Variants in CACUL1 observed in about 807,000 individuals in gnomAD.
CACUL1 encodes CDK2 associated cullin domain 1.
Under a neutral mutation model 45.2 loss-of-function variants are expected in CACUL1, and 13 were observed. The observed-to-expected ratio is 0.29, with a 90% CI of 0.19 to 0.46. The LOEUF is 0.46. Ranked by LOEUF, CACUL1 falls within the 20% of genes least tolerant of loss-of-function variation. The probability of loss-of-function intolerance (pLI) is 1.00; values close to 1 mark genes in which losing one functional copy is unlikely to be tolerated. For missense variants in CACUL1, 421 were observed against 471.4 expected, an observed-to-expected ratio of 0.89 and a Z score of 0.99; for synonymous variants, 197 against 174.2, an observed-to-expected ratio of 1.13 and a Z score of -1.03.
intron 3 of CACUL1, among the ~76,000 whole-genome samples, chr10:118,720,366 C>T (rs1433216160): frequency 6.6e-6 from 1 of 152,176 alleles, no homozygotes; most frequent in Non-Finnish European, 1.5e-5. Flanking sequence ...TACTTTATCT[C>T]TATGTAACAC....
intron 5 of CACUL1, among the ~76,000 whole-genome samples, chr10:118,695,836 G>A (rs374445105): frequency 3.0e-4 from 46 of 152,226 alleles, no homozygotes; most frequent in South Asian, 1.9e-3. Flanking sequence ...AGTTTTTAAC[G>A]AGTAAGAATA....
intron 1 of CACUL1, among the ~76,000 whole-genome samples, chr10:118,737,538 C>T (rs1196969757): frequency 6.6e-6 from 1 of 152,136 alleles, no homozygotes; most frequent in African/African-American, 2.4e-5. Context: ...CCTCCTTTGC[C>T]TTGCTTCAAA....
At chr10:118,745,463 G>A (rs1364849788) in intron 1 of CACUL1, among the ~76,000 whole-genome samples, 2 of 152,142 alleles carry the variant, frequency 1.3e-5, no homozygotes, top group African/African-American at 4.8e-5. Flanking sequence ...TCGGGAGGCT[G>A]AGAAAGGGAA....
chr10:118,711,997 GA>G (rs1845490196), intron 3 of CACUL1, among the ~76,000 whole-genome samples: 2 of 152,268 alleles, frequency 1.3e-5, no homozygotes, highest in South Asian at 4.1e-4. Flanking sequence ...TTAACTATTT[GA>G]TTTACCTTAT....
rs1283835301 is a variant in CACUL1, at chr10:118,729,365, G to A, written c.527C>T (p.Ser176Leu). ...AATCAGATCACTATACATCTGTTCCGAGTGCTGCTGGCATACACATTTATA... is the reference window on the plus strand; with the variant it reads ...AATCAGATCACTATACATCTGTTCCAAGTGCTGCTGGCATACACATTTATA... ...CVYKCVCQQH[S>L]EQMYSDLIKK... The change falls in exon 3 of 9, where the codon TCG becomes TTG. Residue 176 changes from serine (S) to leucine (L), a missense_variant. Physicochemically the swap from Ser to Leu is moderately radical, Grantham distance 145. Coordinates refer to ENST00000369151, the MANE Select transcript of CACUL1 (RefSeq NM_153810.5). The A allele has an allele frequency of 2.5e-6, 4 of 1,611,928 alleles. No homozygotes were observed. The highest frequency in any genetic ancestry group is 1.3e-5 in the African/African-American group (1 of 74,842).
chr10:118,708,966 T>TA (rs1845459014), intron 3 of CACUL1, among the ~76,000 whole-genome samples: 1 of 152,144 alleles, frequency 6.6e-6, no homozygotes, highest in African/African-American at 2.4e-5. Context: ...CAAAACACAG[T>TA]AAAAAATCTG....
intron 3 of CACUL1, among the ~76,000 whole-genome samples, chr10:118,725,498 GGAC>G (rs1172771174): frequency 6.6e-6 from 1 of 152,004 alleles, no homozygotes; most frequent in Non-Finnish European, 1.5e-5. Context: ...GAGTTAATAA[GGAC>G]GAGAAAAGAG....
chr10:118,693,504 T>G (rs1353863361), intron 6 of CACUL1: 2 of 271,268 alleles, frequency 7.4e-6, no homozygotes, highest in African/African-American at 4.4e-5. Flanking sequence ...TACAAGAGCT[T>G]GAACCTGGAT....
At chr10:118,692,947 C>A (rs899245482) in intron 6 of CACUL1, 1 of 152,168 alleles carries the variant, frequency 6.6e-6, no homozygotes, top group Non-Finnish European at 1.5e-5. Flanking sequence ...CCTTCCAGTC[C>A]AGCTCAAATA....
chr10:118,702,645 G>A (rs12412958), intron 4 of CACUL1, among the ~76,000 whole-genome samples: 18,073 of 150,070 alleles, frequency 0.12, 1,331 homozygotes, highest in Admixed American at 0.26. Flanking sequence ...GCAATGGCAC[G>A]CTCTCCACTC....
At chr10:118,744,407 C>CA (rs11447464) in intron 1 of CACUL1, among the ~76,000 whole-genome samples, 35,195 of 151,440 alleles carry the variant, frequency 0.23, 5,117 homozygotes, top group East Asian at 0.39. Flanking sequence ...CAAAAACAAA[C>CA]AAAAAAAACA....
chr10:118,750,283 A>G (rs1845884128), intron 1 of CACUL1, among the ~76,000 whole-genome samples: 1 of 152,092 alleles, frequency 6.6e-6, no homozygotes, highest in African/African-American at 2.4e-5. Flanking sequence ...CTAAGACTGC[A>G]CCACGGCACT....
chr10:118,752,460 G>A (rs147740067), intron 1 of CACUL1, among the ~76,000 whole-genome samples: 2 of 152,268 alleles, frequency 1.3e-5, no homozygotes, highest in African/African-American at 2.4e-5. Context: ...ATAAGTAGAT[G>A]TTAAACCATG....
chr10:118,749,164 G>C (rs1364227707), intron 1 of CACUL1, among the ~76,000 whole-genome samples: 1 of 152,152 alleles, frequency 6.6e-6, no homozygotes, highest in Non-Finnish European at 1.5e-5. Context: ...GTTGTCCCTT[G>C]TAATTCTGGG....
intron 3 of CACUL1, among the ~76,000 whole-genome samples, chr10:118,717,207 G>C (rs764210467): frequency 2.0e-5 from 3 of 152,200 alleles, no homozygotes; most frequent in Non-Finnish European, 4.4e-5. Context: ...AGCTCTACAG[G>C]AAGGAAGTCT....
At chr10:118,702,967 A>G (rs1029108958) in intron 4 of CACUL1, among the ~76,000 whole-genome samples, 4 of 152,066 alleles carry the variant, frequency 2.6e-5, no homozygotes, top group African/African-American at 4.8e-5. Flanking sequence ...TTCTCTCTTA[A>G]TTTAATTTAA....
intron 7 of CACUL1, among the ~76,000 whole-genome samples, chr10:118,690,022 G>C (rs1355802282): frequency 6.6e-6 from 1 of 152,118 alleles, no homozygotes; most frequent in South Asian, 2.1e-4. Context: ...TAAGAATACT[G>C]GGCCGGGTGC....
chr10:118,733,153 T>C (rs1845712468), intron 1 of CACUL1, among the ~76,000 whole-genome samples: 1 of 152,146 alleles, frequency 6.6e-6, no homozygotes, highest in South Asian at 2.1e-4. Context: ...GTCAAAGATA[T>C]GAAGAAGAGG....
intron 6 of CACUL1, 140 bp downstream of exon 6, chr10:118,695,001 A>G (rs1845308827): frequency 1.7e-6 from 1 of 583,010 alleles, no homozygotes; most frequent in Admixed American, 2.6e-5. Flanking sequence ...ACATTTCACA[A>G]TGATGAGTAT....
Sources: allele counts gnomAD v4.1 joint callset (sites outside exome capture counted in the v4.1 genomes callset), GRCh38; gene constraint gnomAD v4.1.1; transcripts MANE v1.5; gene names NCBI Gene and HGNC (gene_info 2026-07-23, HGNC 2026-07-21).